ZBTB20: variants seen among roughly 807,000 people sequenced by gnomAD.
ZBTB20 encodes the protein zinc finger and BTB domain containing 20.
ZBTB20 carries 9 observed loss-of-function variants against 56.9 expected under a neutral mutation model. That is an observed-to-expected ratio of 0.16 (90% CI 0.10 to 0.28). The LOEUF (loss-of-function observed/expected upper bound fraction) is 0.28, where lower values mean the gene tolerates loss of function less well. Among genes scored for constraint, ZBTB20 ranks in the 10% least tolerant of loss-of-function variants. The pLI is 1.00. For missense variants in ZBTB20, 655 were observed against 1,003.0 expected (o/e 0.65, Z 4.69); for synonymous variants, 417 against 420.7 (o/e 0.99, Z 0.11).
chr3:115,132,737 C>G (rs2084542278), intron 1 of ZBTB20, among the ~76,000 whole-genome samples: 1 of 151,950 alleles, frequency 6.6e-6, no homozygotes, highest in Non-Finnish European at 1.5e-5. Context: ...TGCACTCCAG[C>G]CTGGGTGACA....
At position 114,760,392 on chromosome 3, in the gene ZBTB20, A is replaced by G. The variant is rs112333554; in HGVS notation, c.-343+40709T>C. Among the ~76,000 whole-genome samples the G allele has an allele frequency of 6.9e-3, 1,051 of 152,306 alleles. 4 individuals are homozygous for G. Among genetic ancestry groups the G allele is most frequent in the South Asian group, 0.015 (73 of 4,826 alleles). ...AGCCAGAGCAATGACACAAATATAC[A>G]TAAACATGTAGGATGGGCCTCCTAG... On this transcript the variant is annotated intron_variant, in intron 5 of 11. Coordinates refer to ENST00000675478, the MANE Select transcript of ZBTB20 (RefSeq NM_001348800.3).
At chr3:114,736,623 G>A (rs1442448190) in intron 5 of ZBTB20, among the ~76,000 whole-genome samples, 1 of 152,108 alleles carries the variant, frequency 6.6e-6, no homozygotes, top group Non-Finnish European at 1.5e-5. Context: ...AAACATAAGA[G>A]AATTTACTGG....
At chr3:114,977,517 G>C (rs2078152006) in intron 2 of ZBTB20, among the ~76,000 whole-genome samples, 1 of 152,150 alleles carries the variant, frequency 6.6e-6, no homozygotes, top group Non-Finnish European at 1.5e-5. Flanking sequence ...GAAGAGGCCA[G>C]GGGAACTTAG....
At chr3:114,814,537 A>G (rs1317203778) in intron 4 of ZBTB20, among the ~76,000 whole-genome samples, 1 of 152,168 alleles carries the variant, frequency 6.6e-6, no homozygotes, top group Non-Finnish European at 1.5e-5. Context: ...CTTCGAAGCT[A>G]TTCAAATCAG....
intron 7 of ZBTB20, among the ~76,000 whole-genome samples, chr3:114,406,731 A>G (rs1043611495): frequency 1.3e-5 from 2 of 152,160 alleles, no homozygotes; most frequent in African/African-American, 4.8e-5. Flanking sequence ...ACAGGTTTGT[A>G]GAGTCACTAC....
intron 6 of ZBTB20, chr3:114,528,823 T>A (rs1377604516): frequency 1.3e-5 from 2 of 151,264 alleles, no homozygotes; most frequent in Non-Finnish European, 2.9e-5. Flanking sequence ...TATTGCAGAT[T>A]TTTTTTTCCT....
intron 1 of ZBTB20, among the ~76,000 whole-genome samples, chr3:115,136,684 C>T (rs946688580): frequency 1.3e-5 from 2 of 152,014 alleles, no homozygotes; most frequent in African/African-American, 4.8e-5. Context: ...TTATTTTTGG[C>T]TCTTATACAC....
intron 2 of ZBTB20, among the ~76,000 whole-genome samples, chr3:115,028,427 T>C (rs1219521187): frequency 6.6e-6 from 1 of 150,732 alleles, no homozygotes; most frequent in Non-Finnish European, 1.5e-5. Context: ...TCATATTACA[T>C]ATTAAAATGG....
chr3:114,459,233 A>G (rs955925074), intron 7 of ZBTB20, among the ~76,000 whole-genome samples: 8 of 152,124 alleles, frequency 5.3e-5, no homozygotes, highest in Admixed American at 2.0e-4. Flanking sequence ...TCCTTCTTAT[A>G]AACTTCCTCC....
At chr3:114,655,185 T>A (rs915743193) in intron 6 of ZBTB20, among the ~76,000 whole-genome samples, 2 of 151,836 alleles carry the variant, frequency 1.3e-5, no homozygotes, top group African/African-American at 4.8e-5. Context: ...TTTCATTATA[T>A]GCTTTTGATT....
chr3:114,745,781 G>A (rs901983858), intron 5 of ZBTB20, among the ~76,000 whole-genome samples: 3 of 151,866 alleles, frequency 2.0e-5, no homozygotes, highest in Non-Finnish European at 2.9e-5. Context: ...CATAAGAAAG[G>A]GCTAATCATA....
intron 3 of ZBTB20, among the ~76,000 whole-genome samples, chr3:114,947,941 T>A (rs1173003242): frequency 6.9e-6 from 1 of 145,212 alleles, no homozygotes; most frequent in Non-Finnish European, 1.5e-5. Context: ...ATAGAGGGAA[T>A]ACATCCGAAC....
At chr3:114,469,032 A>C (rs1402259465) in intron 7 of ZBTB20, among the ~76,000 whole-genome samples, 1 of 151,628 alleles carries the variant, frequency 6.6e-6, no homozygotes, top group African/African-American at 2.4e-5. Flanking sequence ...AAAAAAAAAA[A>C]AAATCTAGTT....
chr3:115,031,806 C>T (rs971832884), intron 2 of ZBTB20, among the ~76,000 whole-genome samples: 4 of 151,312 alleles, frequency 2.6e-5, no homozygotes, highest in African/African-American at 9.7e-5. Flanking sequence ...TAAAATTGTA[C>T]TGAATTAGTA....
intron 2 of ZBTB20, among the ~76,000 whole-genome samples, chr3:114,980,838 A>G (rs2078297126): frequency 6.6e-6 from 1 of 152,030 alleles, no homozygotes; most frequent in African/African-American, 2.4e-5. Context: ...GCTTGATGCA[A>G]GTAACCATTG....
chr3:114,802,514 T>C (rs891745371), intron 4 of ZBTB20, among the ~76,000 whole-genome samples: 1 of 151,864 alleles, frequency 6.6e-6, no homozygotes, highest in African/African-American at 2.4e-5. Context: ...TAACTAAACT[T>C]TTCCCCCTCC....
chr3:115,074,817 C>T (rs1283219887), intron 1 of ZBTB20, among the ~76,000 whole-genome samples: 1 of 152,046 alleles, frequency 6.6e-6, no homozygotes, highest in Non-Finnish European at 1.5e-5. Flanking sequence ...TGGAGCTGGG[C>T]CTCTGATAGG....
intron 7 of ZBTB20, among the ~76,000 whole-genome samples, chr3:114,417,536 T>C (rs991083387): frequency 2.0e-5 from 3 of 152,136 alleles, no homozygotes; most frequent in Admixed American, 6.6e-5. Context: ...AATAGTTTAC[T>C]TCCTACAGAG....
chr3:114,744,830 A>T (rs2066905369), intron 5 of ZBTB20, among the ~76,000 whole-genome samples: 1 of 152,140 alleles, frequency 6.6e-6, no homozygotes, highest in Admixed American at 6.6e-5. Flanking sequence ...CTCACTTTAA[A>T]AGGCATTATA....
Sources: allele counts gnomAD v4.1 joint callset (sites outside exome capture counted in the v4.1 genomes callset), GRCh38; gene constraint gnomAD v4.1.1; transcripts MANE v1.5; gene names NCBI Gene and HGNC (gene_info 2026-07-23, HGNC 2026-07-21).